FRMD3: variants seen among roughly 807,000 people sequenced by gnomAD.
FRMD3 encodes FERM domain-containing protein 3.
Under a neutral mutation model 70.2 loss-of-function variants are expected in FRMD3, and 33 were observed. The ratio of observed to expected loss-of-function variants is 0.47; its 90% confidence interval spans 0.36 to 0.63. The LOEUF (loss-of-function observed/expected upper bound fraction) is 0.63. Among genes scored for constraint, FRMD3 ranks in the 20% least tolerant of loss-of-function variants. The pLI is 0.00. For synonymous variants in FRMD3, 279 were observed against 255.9 expected, an observed-to-expected ratio of 1.09 and a Z score of -0.86; for missense variants, 632 against 711.4, an observed-to-expected ratio of 0.89 and a Z score of 1.27.
At chr9:83,328,289 G>A (rs1836103369) in intron 6 of FRMD3, among the ~76,000 whole-genome samples, 1 of 152,152 alleles carries the variant, frequency 6.6e-6, no homozygotes, top group African/African-American at 2.4e-5. Flanking sequence ...AAGAGGCACT[G>A]CTGCTGAGTG....
intron 3 of FRMD3, among the ~76,000 whole-genome samples, chr9:83,356,467 G>A (rs1383918577): frequency 6.6e-6 from 1 of 151,512 alleles, no homozygotes; most frequent in African/African-American, 2.4e-5. Flanking sequence ...TAGTAGAGAC[G>A]GGGTTTCACC....
At chr9:83,386,937 T>C (rs1198550889) in intron 2 of FRMD3, among the ~76,000 whole-genome samples, 2 of 152,224 alleles carry the variant, frequency 1.3e-5, no homozygotes, top group Admixed American at 6.5e-5. Flanking sequence ...GCCACAGAGA[T>C]GATGTGTACT....
At chr9:83,443,473 TC>T (rs1827365932) in intron 1 of FRMD3, among the ~76,000 whole-genome samples, 2 of 152,222 alleles carry the variant, frequency 1.3e-5, no homozygotes, top group Non-Finnish European at 2.9e-5. Context: ...CATGAACTCA[TC>T]CTTTTTTATG....
chr9:83,481,106 T>A (rs974016882), intron 1 of FRMD3, among the ~76,000 whole-genome samples: 1 of 152,196 alleles, frequency 6.6e-6, no homozygotes, highest in Non-Finnish European at 1.5e-5. Flanking sequence ...GAATCCAGGT[T>A]GATGGTACCC....
Position 83,415,622 on chromosome 9 carries a change from T to TA in FRMD3, c.148-25915_148-25914insT, listed in dbSNP as rs1262249221. Among the ~76,000 whole-genome samples the TA allele has an allele frequency of 6.7e-5, 10 of 148,818 alleles. No homozygotes were observed. The East Asian group carries it at 8.0e-4, about 12-fold the overall frequency. On this transcript the variant is annotated intron_variant, in intron 1 of 13. Transcript: ENST00000304195. ...CACGACTGACTAATTTTCTTTTTTT[T>TA]TTTTTTTTTTTGGATTTTTACTAGA...
chr9:83,362,379 G>A (rs557372504), intron 3 of FRMD3, among the ~76,000 whole-genome samples: 1 of 152,272 alleles, frequency 6.6e-6, no homozygotes, highest in African/African-American at 2.4e-5. Flanking sequence ...AGGTTTCCAG[G>A]GAGTGCCATC....
chr9:83,368,230 CTA>C (rs1206252968), intron 3 of FRMD3, among the ~76,000 whole-genome samples: 1 of 152,200 alleles, frequency 6.6e-6, no homozygotes, highest in Non-Finnish European at 1.5e-5. Flanking sequence ...AGCATCCTGT[CTA>C]TGTTTGTGGT....
At chr9:83,373,379 G>A (rs1186942772) in intron 2 of FRMD3, among the ~76,000 whole-genome samples, 2 of 152,152 alleles carry the variant, frequency 1.3e-5, no homozygotes, top group African/African-American at 4.8e-5. Context: ...CCTGCTTCCG[G>A]GACAAATTCC....
At chr9:83,340,899 T>C (rs1373050940) in intron 5 of FRMD3, among the ~76,000 whole-genome samples, 1 of 152,218 alleles carries the variant, frequency 6.6e-6, no homozygotes, top group Non-Finnish European at 1.5e-5. Flanking sequence ...TCCAACTTGA[T>C]TGACTGTTTT....
At chr9:83,285,326 A>C (rs2118939915) in intron 13 of FRMD3, among the ~76,000 whole-genome samples, 1 of 152,316 alleles carries the variant, frequency 6.6e-6, no homozygotes, top group African/African-American at 2.4e-5. Context: ...CCATTCTCTT[A>C]GTTTCCAGCT....
intron 2 of FRMD3, among the ~76,000 whole-genome samples, chr9:83,380,220 C>T (rs752634387): frequency 3.9e-5 from 6 of 152,196 alleles, no homozygotes; most frequent in Non-Finnish European, 7.3e-5. Flanking sequence ...TTGAAATCTA[C>T]CTGACCACAT....
intron 13 of FRMD3, among the ~76,000 whole-genome samples, chr9:83,280,047 G>A (rs1833921770): frequency 6.6e-6 from 1 of 152,166 alleles, no homozygotes; most frequent in Non-Finnish European, 1.5e-5. Flanking sequence ...CAAAAGCAAT[G>A]ACCAATGATC....
At position 83,299,133 on chromosome 9, in the gene FRMD3, T is replaced by C; in HGVS notation, c.980A>G (p.Lys327Arg). The C allele has an allele frequency of 6.2e-7, 1 of 1,612,310 alleles. No individual in the cohort carries two copies. The highest frequency in any genetic ancestry group is 8.5e-7 in the Non-Finnish European group (1 of 1,178,866). ...KTVSSSKIFFKGSRFRYSGKV... is the reference protein window; with the variant it reads ...KTVSSSKIFFRGSRFRYSGKV... ...CCACCTATATCGAAATCTACTTCCT[T>C]TAAAAAATATCTTGCTGCTTGATAC... The change falls in exon 11 of 14, where the codon AAA (lysine) becomes AGA (arginine). Residue 327 changes from lysine to arginine, a missense_variant. Around this residue, in one of 3 missense-constraint regions of FRMD3, gnomAD observed 418 missense variants for 442.1 expected, o/e 0.95. Coordinates refer to ENST00000304195, the MANE Select transcript of FRMD3 (RefSeq NM_174938.6).
At chr9:83,544,802 C>A in the FRMD3 span, among the ~76,000 whole-genome samples, 1 of 152,142 alleles carries the variant, frequency 6.6e-6, no homozygotes, top group Admixed American at 6.5e-5. Flanking sequence ...AGAGCCTTGG[C>A]CCCCTGAAAG....
intron 1 of FRMD3, among the ~76,000 whole-genome samples, chr9:83,435,077 C>T (rs1025299007): frequency 4.6e-5 from 7 of 152,074 alleles, no homozygotes; most frequent in Non-Finnish European, 1.0e-4. Flanking sequence ...AATCCACCTG[C>T]CTCAGCCTCC....
intron 1 of FRMD3, among the ~76,000 whole-genome samples, chr9:83,527,690 A>G (rs1829714101): frequency 6.6e-6 from 1 of 152,116 alleles, no homozygotes; most frequent in Non-Finnish European, 1.5e-5. Flanking sequence ...AGCACAGAAA[A>G]TCCACAGAAA....
At chr9:83,428,486 A>G (rs1826877508) in intron 1 of FRMD3, among the ~76,000 whole-genome samples, 1 of 151,468 alleles carries the variant, frequency 6.6e-6, no homozygotes, top group Admixed American at 6.6e-5. Context: ...ATATATACAT[A>G]TATACATATC....
chr9:83,323,457 A>C (rs1835886297), intron 6 of FRMD3, among the ~76,000 whole-genome samples: 1 of 152,156 alleles, frequency 6.6e-6, no homozygotes, highest in Non-Finnish European at 1.5e-5. Flanking sequence ...TTAATCCCCA[A>C]AGTCACAGTA....
chr9:83,318,530 T>A (rs113513475), intron 6 of FRMD3, among the ~76,000 whole-genome samples: 6 of 152,172 alleles, frequency 3.9e-5, no homozygotes, highest in African/African-American at 1.4e-4. Context: ...CTTGTCCAGT[T>A]CTCCATTGAT....
Sources: allele counts gnomAD v4.1 joint callset (sites outside exome capture counted in the v4.1 genomes callset), GRCh38; gene constraint gnomAD v4.1.1; regional missense constraint gnomAD v4.1.1; transcripts MANE v1.5; gene names NCBI Gene and HGNC (gene_info 2026-07-23, HGNC 2026-07-21).